VAMP7: variants seen among roughly 807,000 people sequenced by gnomAD.
VAMP7 encodes the protein vesicle-associated membrane protein 7.
Under a neutral mutation model 29.6 loss-of-function variants are expected in VAMP7, and 14 were observed. That is an observed-to-expected ratio of 0.47 (90% CI 0.31 to 0.74). The LOEUF (loss-of-function observed/expected upper bound fraction) is 0.74, where lower values mean the gene tolerates loss of function less well. VAMP7 is among the 30% of genes least tolerant of loss of function. VAMP7 has a pLI of 0.05. For synonymous variants in VAMP7, 95 were observed against 88.1 expected (o/e 1.08, Z -0.44); for missense variants, 223 against 262.4 (o/e 0.85, Z 1.04).
intron 6 of VAMP7, among the ~76,000 whole-genome samples, chrX:155,923,118 G>A (rs759387815): frequency 6.6e-6 from 1 of 151,876 alleles, no homozygotes; most frequent in African/African-American, 2.4e-5. Flanking sequence ...TTATGCTATT[G>A]TTGACATATT....
Position 155,889,595 on chromosome X carries a change from A to G in VAMP7, c.129A>G (p.Leu43=). The G allele has an allele frequency of 1.2e-6, 2 of 1,613,932 alleles. No individual in the cohort carries two copies. The highest frequency in any genetic ancestry group is 1.7e-6 in the Non-Finnish European group (2 of 1,179,856). ...LAKIPSENNK[L]TYSHGNYLFH... is the part of the protein sequence containing the mutation. ...AGATACCTTCTGAAAATAACAAACTAACGTACTCACATGGCAAGTGAGTTC... is the reference window on the plus strand; with the variant it reads ...AGATACCTTCTGAAAATAACAAACTGACGTACTCACATGGCAAGTGAGTTC... Residue 43 remains leucine, a synonymous_variant, in exon 2 of 8, where the codon CTA becomes CTG. Transcript: ENST00000286448.
chrX:155,888,186 T>C (rs1011208794), intron 1 of VAMP7, among the ~76,000 whole-genome samples: 2 of 152,194 alleles, frequency 1.3e-5, no homozygotes, highest in African/African-American at 4.8e-5. Context: ...CCTTCTGCTC[T>C]GTGTGCTGTC....
chrX:155,894,465 TTGTC>T (rs2065962622), intron 2 of VAMP7, among the ~76,000 whole-genome samples: 1 of 152,108 alleles, frequency 6.6e-6, no homozygotes, highest in African/African-American at 2.4e-5. Context: ...TTCTCCAGTC[TTGTC>T]TGTCCAGATA....
At chrX:155,905,724 C>T (rs1431127379) in intron 5 of VAMP7, among the ~76,000 whole-genome samples, 1 of 152,270 alleles carries the variant, frequency 6.6e-6, no homozygotes, top group Non-Finnish European at 1.5e-5. Flanking sequence ...GGATGTATAG[C>T]TTTGTTTCTG....
intron 1 of VAMP7, 140 bp downstream of exon 1, chrX:155,881,588 G>C (rs753229757): frequency 6.5e-6 from 1 of 152,768 alleles, no homozygotes; most frequent in East Asian, 1.9e-4. Context: ...GACAGTTCCA[G>C]TTGTCGGGCA....
chrX:155,904,487 C>T (rs2066119119), intron 5 of VAMP7, among the ~76,000 whole-genome samples: 1 of 151,958 alleles, frequency 6.6e-6, no homozygotes, highest in South Asian at 2.1e-4. Context: ...TTAAAGTATA[C>T]AGTCAGTGGT....
At position 155,942,058 on chromosome X, in the gene VAMP7, T is replaced by C. The variant is rs773732812; in HGVS notation, c.*107T>C. The stretch of plus-strand genomic sequence containing the variant: ...CTGACAGATGGTATCTGCCAGTCTC[T>C]TCAACCCTCTTCTCACTTTTTAAAA... On this transcript the variant is annotated 3_prime_UTR_variant, in exon 8 of 8. Transcript: ENST00000286448. The C allele has an allele frequency of 6.3e-7, 1 of 1,594,242 alleles. No homozygotes were observed. The highest frequency in any genetic ancestry group is 1.8e-5 in the Admixed American group (1 of 56,798).
intron 1 of VAMP7, among the ~76,000 whole-genome samples, chrX:155,883,337 C>T (rs1370216689): frequency 1.3e-5 from 2 of 152,128 alleles, no homozygotes; most frequent in Non-Finnish European, 2.9e-5. Flanking sequence ...GCTCTCAGTG[C>T]CTTCTCTTCT....
intron 1 of VAMP7, among the ~76,000 whole-genome samples, chrX:155,888,663 T>A (rs773846581): frequency 2.0e-5 from 3 of 152,320 alleles, no homozygotes; most frequent in South Asian, 2.1e-4. Context: ...GTTTTAGTAA[T>A]GTTTTGTTTA....
intron 6 of VAMP7, among the ~76,000 whole-genome samples, chrX:155,935,809 T>A (rs2066643786): frequency 6.6e-6 from 1 of 152,188 alleles, no homozygotes. Context: ...TTTCTGCTGT[T>A]TTTTTCCCTA....
chrX:155,898,672 G>C (rs1193353893), intron 4 of VAMP7, among the ~76,000 whole-genome samples: 2 of 152,000 alleles, frequency 1.3e-5, no homozygotes, highest in Non-Finnish European at 2.9e-5. Flanking sequence ...AGCTTAGTGA[G>C]GTTTTACATG....
At chrX:155,933,901 C>T (rs2066605502) in intron 6 of VAMP7, among the ~76,000 whole-genome samples, 2 of 152,118 alleles carry the variant, frequency 1.3e-5, no homozygotes, top group South Asian at 4.1e-4. Flanking sequence ...TATGTTGTGT[C>T]TTTGTTCTCA....
intron 5 of VAMP7, among the ~76,000 whole-genome samples, chrX:155,905,169 T>C (rs1002433266): frequency 6.6e-6 from 1 of 152,070 alleles, no homozygotes; most frequent in Non-Finnish European, 1.5e-5. Flanking sequence ...TGACTAATGA[T>C]GTTGAGCATT....
chrX:155,937,095 C>T (rs2124404142), intron 6 of VAMP7, among the ~76,000 whole-genome samples: 1 of 151,324 alleles, frequency 6.6e-6, no homozygotes, highest in Admixed American at 6.6e-5. Context: ...GCATTTTTCA[C>T]AGAATAGAAA....
intron 6 of VAMP7, among the ~76,000 whole-genome samples, chrX:155,929,957 G>T (rs184261201): frequency 6.6e-6 from 1 of 152,306 alleles, no homozygotes; most frequent in East Asian, 1.9e-4. Flanking sequence ...TATACTCACA[G>T]TTATGGTTTA....
chrX:155,913,142 T>C (rs2066261815), intron 5 of VAMP7, among the ~76,000 whole-genome samples: 2 of 152,220 alleles, frequency 1.3e-5, no homozygotes, highest in African/African-American at 4.8e-5. Context: ...TGAGCTTTTT[T>C]TTCATATGTT....
intron 6 of VAMP7, among the ~76,000 whole-genome samples, chrX:155,921,705 T>A (rs1412566338): frequency 6.6e-6 from 1 of 152,090 alleles, no homozygotes; most frequent in Non-Finnish European, 1.5e-5. Flanking sequence ...CTGTGTTGAT[T>A]AGTATAACTT....
chrX:155,883,165 G>A (rs1457484835), intron 1 of VAMP7, among the ~76,000 whole-genome samples: 2 of 152,094 alleles, frequency 1.3e-5, no homozygotes, highest in Non-Finnish European at 2.9e-5. Flanking sequence ...CAGTATATAC[G>A]TGTTGAACTG....
At chrX:155,934,401 ATATT>A (rs1162455576) in intron 6 of VAMP7, among the ~76,000 whole-genome samples, 1 of 152,194 alleles carries the variant, frequency 6.6e-6, no homozygotes, top group Non-Finnish European at 1.5e-5. Flanking sequence ...GGGTGCATAA[ATATT>A]TAGGATAGTT....
Sources: allele counts gnomAD v4.1 joint callset (sites outside exome capture counted in the v4.1 genomes callset), GRCh38; gene constraint gnomAD v4.1.1; transcripts MANE v1.5; gene names NCBI Gene and HGNC (gene_info 2026-07-23, HGNC 2026-07-21).